The following PKIB variants were observed in gnomAD, a reference collection of about 807,000 sequenced individuals.
PKIB encodes cAMP-dependent protein kinase inhibitor beta, also known as PKI-beta.
In PKIB, 2 loss-of-function variants were observed where a neutral mutation model predicts 4.5. That is an observed-to-expected ratio of 0.44 (90% confidence interval 0.18 to 1.39). The LOEUF (loss-of-function observed/expected upper bound fraction) is 1.39. Among genes scored for constraint, PKIB ranks in the 40% most tolerant of loss-of-function variants. PKIB has a pLI of 0.27. For synonymous variants in PKIB, 38 were observed against 36.0 expected (o/e 1.06, Z -0.20); for missense variants, 94 against 92.6 (o/e 1.02, Z -0.06).
At chr6:122,474,341 C>T (rs73545210) in intron 1 of PKIB, among the ~76,000 whole-genome samples, 210 of 152,316 alleles carry the variant, frequency 1.4e-3, no homozygotes, top group African/African-American at 4.8e-3. Context: ...TGCATATTAG[C>T]ATGTTCAATT....
At chr6:122,522,891 A>G (rs1776987571) in intron 2 of PKIB, among the ~76,000 whole-genome samples, 2 of 152,242 alleles carry the variant, frequency 1.3e-5, no homozygotes, top group Non-Finnish European at 2.9e-5. Context: ...TTTATATTAT[A>G]GAATCATGTC....
intron 2 of PKIB, among the ~76,000 whole-genome samples, chr6:122,637,425 A>G (rs1035873903): frequency 3.3e-5 from 5 of 152,170 alleles, no homozygotes; most frequent in Admixed American, 3.3e-4. Flanking sequence ...CATCACAGAA[A>G]TTTTTGTGTG....
chr6:122,588,569 C>A (rs1773922609), intron 3 of PKIB, among the ~76,000 whole-genome samples: 4 of 152,084 alleles, frequency 2.6e-5, no homozygotes, highest in African/African-American at 7.2e-5. Flanking sequence ...GGTACTGGTA[C>A]CAAAACAGAG....
At chr6:122,710,102 T>C (rs1012700472) in intron 3 of PKIB, among the ~76,000 whole-genome samples, 1 of 152,164 alleles carries the variant, frequency 6.6e-6, no homozygotes, top group African/African-American at 2.4e-5. Flanking sequence ...CAGCTATTAA[T>C]TCAACATTGA....
intron 2 of PKIB, among the ~76,000 whole-genome samples, chr6:122,559,400 T>C (rs1342523028): frequency 6.6e-6 from 1 of 152,156 alleles, no homozygotes; most frequent in Non-Finnish European, 1.5e-5. Context: ...CATTGGTCTG[T>C]GTGCCTATTT....
At chr6:122,672,668 T>C (rs1050154110) in intron 2 of PKIB, among the ~76,000 whole-genome samples, 181 of 152,090 alleles carry the variant, frequency 1.2e-3, no homozygotes, top group African/African-American at 4.2e-3. Context: ...TATTAGAACA[T>C]CTAATTATAT....
chr6:122,533,091 T>A (rs1777304149), intron 2 of PKIB, among the ~76,000 whole-genome samples: 1 of 152,090 alleles, frequency 6.6e-6, no homozygotes, highest in African/African-American at 2.4e-5. Context: ...AAATATATGA[T>A]CTCCTGCAGG....
chr6:122,475,396 C>A (rs1775427054), intron 1 of PKIB, among the ~76,000 whole-genome samples: 1 of 152,192 alleles, frequency 6.6e-6, no homozygotes, highest in African/African-American at 2.4e-5. Context: ...TGACTCACAT[C>A]TTATTTCCAA....
intron 2 of PKIB, among the ~76,000 whole-genome samples, chr6:122,668,483 C>T (rs1185439809): frequency 6.6e-6 from 1 of 152,128 alleles, no homozygotes; most frequent in African/African-American, 2.4e-5. Flanking sequence ...CCTGATGTCC[C>T]TTAAGCAGCT....
At position 122,576,809 on chromosome 6, in the gene PKIB, T is replaced by C. The variant is rs143311317; in HGVS notation, c.-247-9112T>C. Among the ~76,000 whole-genome samples the C allele has an allele frequency of 2.6e-3, 390 of 150,668 alleles. 3 individuals are homozygous for C. Among genetic ancestry groups the C allele is most frequent in the African/African-American group, 9.3e-3 (380 of 41,026 alleles). ...GCACATCTTGATTTTGTTAGGCATA[T>C]GTGTATTATCGCATGTGTTTTTAAA... On this transcript the variant is annotated intron_variant, in intron 2 of 6. Transcript: ENST00000392491.
intron 3 of PKIB, among the ~76,000 whole-genome samples, chr6:122,698,906 A>G (rs1778685954): frequency 1.3e-5 from 2 of 152,200 alleles, no homozygotes; most frequent in African/African-American, 2.4e-5. Context: ...TGCTTTACCA[A>G]ATAACTTTCA....
At chr6:122,522,323 CG>C in intron 2 of PKIB, among the ~76,000 whole-genome samples, 1 of 152,236 alleles carries the variant, frequency 6.6e-6, no homozygotes, top group South Asian at 2.1e-4. Flanking sequence ...TGGGCTCTGT[CG>C]GGGTGGGATC....
At chr6:122,581,798 T>C (rs1430818) in intron 2 of PKIB, 137,954 of 151,960 alleles carry the variant, frequency 0.91, 62,871 homozygotes, top group East Asian at 1. Flanking sequence ...TGCCAGATGT[T>C]TCTGACTACC....
intron 3 of PKIB, among the ~76,000 whole-genome samples, chr6:122,703,212 T>C (rs1235987719): frequency 1.3e-5 from 2 of 152,198 alleles, no homozygotes; most frequent in African/African-American, 4.8e-5. Context: ...GTATATGATA[T>C]TGTTATTACT....
chr6:122,688,600 G>A (rs1272526786), intron 3 of PKIB, among the ~76,000 whole-genome samples: 1 of 152,042 alleles, frequency 6.6e-6, no homozygotes, highest in Non-Finnish European at 1.5e-5. Flanking sequence ...ACTTTACTGG[G>A]AGACTTTTTA....
intron 2 of PKIB, among the ~76,000 whole-genome samples, chr6:122,528,150 T>G (rs1777149578): frequency 6.6e-6 from 1 of 152,182 alleles, no homozygotes; most frequent in South Asian, 2.1e-4. Flanking sequence ...TATAACAGTT[T>G]TTGATTTGAA....
intron 2 of PKIB, among the ~76,000 whole-genome samples, chr6:122,492,773 GA>G (rs1016427645): frequency 1.3e-5 from 1 of 78,684 alleles, no homozygotes; most frequent in African/African-American, 4.1e-5. Context: ...TTAAGAGAAA[GA>G]GTTTTTTTTT....
intron 2 of PKIB, among the ~76,000 whole-genome samples, chr6:122,580,208 ATTC>A (rs10618260): frequency 0.12 from 17,754 of 152,106 alleles, 1,096 homozygotes; most frequent in East Asian, 0.21. Flanking sequence ...TTGCTTGAGG[ATTC>A]TTCTTTAGGC....
intron 2 of PKIB, among the ~76,000 whole-genome samples, chr6:122,559,308 T>C (rs1200206756): frequency 6.6e-6 from 1 of 151,610 alleles, no homozygotes; most frequent in Non-Finnish European, 1.5e-5. Flanking sequence ...TATATGCCAC[T>C]TTCCCCACTT....
Sources: allele counts gnomAD v4.1 joint callset (sites outside exome capture counted in the v4.1 genomes callset), GRCh38; gene constraint gnomAD v4.1.1; transcripts MANE v1.5; gene names NCBI Gene and HGNC (gene_info 2026-07-23, HGNC 2026-07-21).